The following TMEM132D variants were observed in gnomAD, a reference collection of about 807,000 sequenced individuals.
TMEM132D encodes transmembrane protein 132D.
Under a neutral mutation model 62.3 loss-of-function variants are expected in TMEM132D, and 21 were observed. The observed-to-expected ratio is 0.34, with a 90% CI of 0.24 to 0.49. TMEM132D has a LOEUF of 0.49. Ranked by LOEUF, TMEM132D falls within the 20% of genes least tolerant of loss-of-function variation. TMEM132D has a pLI of 0.99. For synonymous variants in TMEM132D, 621 were observed against 575.6 expected (o/e 1.08, Z -1.13); for missense variants, 1,346 against 1,402.8 (o/e 0.96, Z 0.65).
intron 1 of TMEM132D, among the ~76,000 whole-genome samples, chr12:129,899,772 T>C (rs1457208437): frequency 2.0e-5 from 3 of 152,222 alleles, no homozygotes; most frequent in Admixed American, 2.0e-4. Context: ...CACATTTTGA[T>C]TTAACTCTTT....
intron 4 of TMEM132D, among the ~76,000 whole-genome samples, 200 bp downstream of exon 4, chr12:129,337,434 C>A (rs1188730144): frequency 8.9e-6 from 1 of 112,280 alleles, no homozygotes; most frequent in Non-Finnish European, 1.8e-5. Flanking sequence ...GATATAGATA[C>A]ACACACGCAC....
chr12:129,897,430 GTCT>G lies in TMEM132D; in HGVS notation c.79+5828_79+5830del, dbSNP rs536524644. Among the ~76,000 whole-genome samples the G allele has an allele frequency of 8.3e-3, 1,257 of 152,276 alleles. 13 individuals carry two copies. Among genetic ancestry groups the G allele is most frequent in the African/African-American group, 0.028 (1,165 of 41,532 alleles). On this transcript the variant is annotated intron_variant, in intron 1 of 8. Coordinates refer to ENST00000422113, the MANE Select transcript of TMEM132D (RefSeq NM_133448.3). ...TTGGTCCTGGAAGACCAGAGGCCAT[GTCT>G]TAGTCTTCCCTGCCCAGGACCCTAC...
chr12:129,335,986 C>A (rs927708910), intron 4 of TMEM132D, among the ~76,000 whole-genome samples: 3 of 152,114 alleles, frequency 2.0e-5, no homozygotes, highest in African/African-American at 7.2e-5. Context: ...CTATGTTGGA[C>A]CATGAGGTAA....
rs149631722 is a variant in TMEM132D at position 129,859,346 on chromosome 12, A to T, written c.79+43915T>A. Among the ~76,000 whole-genome samples the T allele has an allele frequency of 4.3e-3, 658 of 152,332 alleles. 4 individuals carry two copies. The highest frequency in any genetic ancestry group is 0.015 in the African/African-American group (634 of 41,576). Reference sequence around the variant, plus strand: ...TTTGCCATTAAACGTAATAGCAAAAACCGCAATTACTTTTGCACCAACATA... The same window carrying T: ...TTTGCCATTAAACGTAATAGCAAAATCCGCAATTACTTTTGCACCAACATA... On this transcript the variant is annotated intron_variant, in intron 1 of 8. Transcript: ENST00000422113.
At chr12:129,521,474 C>T (rs1225495754) in intron 3 of TMEM132D, 1 of 152,018 alleles carries the variant, frequency 6.6e-6, no homozygotes, top group Non-Finnish European at 1.5e-5. Flanking sequence ...TTAGAAAAAG[C>T]TCTAAAAGGA....
At chr12:129,405,019 G>A (rs1370938880) in intron 3 of TMEM132D, among the ~76,000 whole-genome samples, 1 of 152,154 alleles carries the variant, frequency 6.6e-6, no homozygotes, top group Non-Finnish European at 1.5e-5. Flanking sequence ...ATGAAATGAG[G>A]ATAGGACTCC....
At chr12:129,901,776 A>G (rs944680727) in intron 1 of TMEM132D, among the ~76,000 whole-genome samples, 1 of 152,072 alleles carries the variant, frequency 6.6e-6, no homozygotes, top group Non-Finnish European at 1.5e-5. Flanking sequence ...TTCCAAAGCT[A>G]TTCTGTACCT....
At chr12:129,804,084 G>C (rs1268126151) in intron 1 of TMEM132D, among the ~76,000 whole-genome samples, 2 of 60,866 alleles carry the variant, frequency 3.3e-5, no homozygotes, top group African/African-American at 1.0e-4. Flanking sequence ...GGACCAGATG[G>C]ATTCACAGCC....
In TMEM132D at chr12:129,823,760, A is replaced by G. The variant is rs12311391; in HGVS notation, c.79+79501T>C. ...TCACTTGCTAGCTATGTCACATTTAACTTCTCCAAACCTCAGTTTGTTAAT... is the reference window on the plus strand; with the variant it reads ...TCACTTGCTAGCTATGTCACATTTAGCTTCTCCAAACCTCAGTTTGTTAAT... On this transcript the variant is annotated intron_variant, in intron 1 of 8. Coordinates refer to ENST00000422113, the MANE Select transcript of TMEM132D (RefSeq NM_133448.3). 3.5e-3 allele frequency among the ~76,000 whole-genome samples: 526 copies of G among 152,344 alleles called. 3 individuals carry two copies. Among genetic ancestry groups the G allele is most frequent in the African/African-American group, 0.012 (494 of 41,586 alleles).
intron 1 of TMEM132D, among the ~76,000 whole-genome samples, chr12:129,845,061 G>A (rs1873318430): frequency 1.3e-5 from 2 of 152,132 alleles, no homozygotes; most frequent in Admixed American, 1.3e-4. Context: ...CTTACCCTGT[G>A]TTTTCAAAAC....
rs1324824981 is a variant in TMEM132D, at chr12:129,380,570, CGT to C, written c.1116-42755_1116-42754del. Among the ~76,000 whole-genome samples, 104 of 141,504 alleles carry C rather than the reference CGT, an allele frequency of 7.3e-4. 1 individual carries two copies. The highest frequency in any genetic ancestry group is 2.6e-3 in the African/African-American group (98 of 38,356). 92.8% of individuals were successfully genotyped at this position (141,504 alleles called of 152,430 possible). On this transcript the variant is annotated intron_variant, in intron 3 of 8. Transcript: ENST00000422113. ...TACTTGCAGACGTTGTGTGTGTGTG[CGT>C]GTGTGTGTGTGCATCTCTATTTAGT...
At chr12:129,135,003 T>A (rs1391040661) in intron 5 of TMEM132D, among the ~76,000 whole-genome samples, 1 of 152,238 alleles carries the variant, frequency 6.6e-6, no homozygotes, top group Non-Finnish European at 1.5e-5. Context: ...AACTTAAGTC[T>A]CTATTTCCTC....
intron 2 of TMEM132D, among the ~76,000 whole-genome samples, chr12:129,555,728 T>TA (rs1877036640): frequency 6.6e-6 from 1 of 151,910 alleles, no homozygotes; most frequent in African/African-American, 2.4e-5. Flanking sequence ...CCAAATACAA[T>TA]AAAAAACAAA....
rs138102256 is a variant in TMEM132D, at chr12:129,557,069, C to G, written c.969-25864G>C. ...TCTAAATACCATGGTGATTTGATAC[C>G]CACCATTATTCACTTTTAAAGAAAT... is the stretch of plus-strand genomic sequence containing the variant. On this transcript the variant is annotated intron_variant, in intron 2 of 8. Coordinates refer to ENST00000422113, the MANE Select transcript of TMEM132D (RefSeq NM_133448.3). Among the ~76,000 whole-genome samples the G allele has an allele frequency of 4.8e-3, 734 of 152,132 alleles. 14 individuals are homozygous for G. In the South Asian group the frequency reaches 0.055, roughly 11 times the overall value.
intron 8 of TMEM132D, among the ~76,000 whole-genome samples, chr12:129,077,880 G>A (rs1015219253): frequency 6.6e-6 from 1 of 151,370 alleles, no homozygotes; most frequent in African/African-American, 2.4e-5. Flanking sequence ...TGCATACACA[G>A]ACACACAAAA....
chr12:129,291,718 T>C (rs1049246332), intron 4 of TMEM132D, among the ~76,000 whole-genome samples: 1 of 152,010 alleles, frequency 6.6e-6, no homozygotes, highest in African/African-American at 2.4e-5. Flanking sequence ...CCCTCTAGAA[T>C]TGTGTATGGT....
chr12:129,735,863 T>C (rs779232838), intron 1 of TMEM132D, among the ~76,000 whole-genome samples: 1 of 152,222 alleles, frequency 6.6e-6, no homozygotes, highest in Non-Finnish European at 1.5e-5. Flanking sequence ...ATTGTCCTTA[T>C]AGACCTATAA....
chr12:129,675,271 G>A (rs530493045), intron 2 of TMEM132D, among the ~76,000 whole-genome samples: 2 of 150,606 alleles, frequency 1.3e-5, no homozygotes, highest in East Asian at 2.0e-4. Context: ...ACTAACATAG[G>A]AACAGAAAAC....
At chr12:129,122,630 T>C (rs1876099683) in intron 5 of TMEM132D, among the ~76,000 whole-genome samples, 1 of 152,202 alleles carries the variant, frequency 6.6e-6, no homozygotes, top group East Asian at 1.9e-4. Context: ...GTTCCAATCA[T>C]GCTCCCTGTG....
Sources: allele counts gnomAD v4.1 joint callset (sites outside exome capture counted in the v4.1 genomes callset), GRCh38; gene constraint gnomAD v4.1.1; transcripts MANE v1.5; gene names NCBI Gene and HGNC (gene_info 2026-07-23, HGNC 2026-07-21).